The following CRTAC1 variants were observed in gnomAD, a reference collection of about 807,000 sequenced individuals.
The protein encoded by CRTAC1 is cartilage acidic protein 1.
In CRTAC1, 37 loss-of-function variants were observed where a neutral mutation model predicts 67.8. That is an observed-to-expected ratio of 0.55 (90% confidence interval 0.42 to 0.72). The LOEUF (loss-of-function observed/expected upper bound fraction) is 0.72. Among genes scored for constraint, CRTAC1 ranks in the 30% least tolerant of loss-of-function variants. The pLI is 0.00. For missense variants in CRTAC1, 780 were observed against 931.6 expected (o/e 0.84, Z 2.12); for synonymous variants, 348 against 371.0 (o/e 0.94, Z 0.71).
chr10:97,951,830 C>A (rs2051360508), intron 2 of CRTAC1, among the ~76,000 whole-genome samples: 1 of 152,198 alleles, frequency 6.6e-6, no homozygotes, highest in Non-Finnish European at 1.5e-5. Flanking sequence ...TCTTGCTACT[C>A]AAACTGTGGA....
chr10:97,971,866 A>G (rs1689686248), intron 2 of CRTAC1, among the ~76,000 whole-genome samples: 1 of 152,182 alleles, frequency 6.6e-6, no homozygotes, highest in Non-Finnish European at 1.5e-5. Flanking sequence ...CCCCAGCTAC[A>G]CTAAGGTTTC....
rs576929212 is a variant in CRTAC1, at chr10:97,950,553, C to T, written c.225-14187G>A. 6.6e-5 allele frequency among the ~76,000 whole-genome samples: 10 copies of T among 152,276 alleles called. No individual in the cohort carries two copies. The South Asian group carries it at 1.2e-3, about 19-fold the overall frequency. On this transcript the variant is annotated intron_variant, in intron 2 of 14. Coordinates refer to ENST00000370597, the MANE Select transcript of CRTAC1 (RefSeq NM_018058.7). ...AGCGTGGTCTGAGGTCTGGGTTGGACAGGCAAGGAGACACAGGTTACTAGA... is the reference window on the plus strand; with the variant it reads ...AGCGTGGTCTGAGGTCTGGGTTGGATAGGCAAGGAGACACAGGTTACTAGA...
chr10:97,944,321 A>T (rs2051228350), intron 2 of CRTAC1, among the ~76,000 whole-genome samples: 1 of 151,692 alleles, frequency 6.6e-6, no homozygotes, highest in South Asian at 2.1e-4. Flanking sequence ...AATCCCAGCT[A>T]CTTGGGAGGC....
At chr10:97,919,207 G>A (rs985300237) in intron 4 of CRTAC1, among the ~76,000 whole-genome samples, 1 of 152,106 alleles carries the variant, frequency 6.6e-6, no homozygotes, top group Non-Finnish European at 1.5e-5. Context: ...GAGTCTCCTG[G>A]GTGACACAGA....
chr10:97,973,958 T>C (rs1277870085), intron 2 of CRTAC1, among the ~76,000 whole-genome samples: 1 of 67,284 alleles, frequency 1.5e-5, no homozygotes, highest in African/African-American at 5.8e-5. Flanking sequence ...CTTTGTCTCA[T>C]AAAAGATCCC....
chr10:97,952,538 C>CAAAAAAAAA lies in CRTAC1; in HGVS notation c.225-16181_225-16173dup, dbSNP rs397844653. On this transcript the variant is annotated intron_variant, in intron 2 of 14. Coordinates refer to ENST00000370597, the MANE Select transcript of CRTAC1 (RefSeq NM_018058.7). ...GGGAGAAAAGAGTGAAATTCCATCT[C>CAAAAAAAAA]AAAAAAAAAAAAAAAAAAAAAAAAG... Among the ~76,000 whole-genome samples, 60 of 64,220 alleles carry CAAAAAAAAA rather than the reference C, an allele frequency of 9.3e-4. 2 individuals carry two copies. The highest frequency in any genetic ancestry group is 3.5e-3 in the African/African-American group (52 of 14,816). The allele number at this position is 64,220 out of a possible 152,430, so 42.1% of individuals were successfully genotyped here. A position where few individuals can be genotyped will look rare whatever the true frequency, so the allele number is the denominator to read the frequency against.
intron 3 of CRTAC1, among the ~76,000 whole-genome samples, chr10:97,931,779 C>T (rs930311858): frequency 4.6e-5 from 7 of 152,290 alleles, no homozygotes; most frequent in Admixed American, 3.3e-4. Context: ...CTCATGCGGG[C>T]GGGAGTGCTC....
intron 2 of CRTAC1, among the ~76,000 whole-genome samples, chr10:97,999,944 TGCTGAGA>T (rs1049836020): frequency 1.3e-5 from 2 of 152,134 alleles, no homozygotes; most frequent in African/African-American, 4.8e-5. Flanking sequence ...GCCTCCTCCC[TGCTGAGA>T]GCTGCCCAGA....
chr10:97,981,513 T>C (rs1042176454), intron 2 of CRTAC1, among the ~76,000 whole-genome samples: 1 of 152,256 alleles, frequency 6.6e-6, no homozygotes, highest in African/African-American at 2.4e-5. Flanking sequence ...TGATGTTCCA[T>C]AATTTACTTA....
At chr10:97,880,904 T>C (rs1333168661) in intron 13 of CRTAC1, among the ~76,000 whole-genome samples, 1 of 152,144 alleles carries the variant, frequency 6.6e-6, no homozygotes, top group Admixed American at 6.5e-5. Context: ...CGACCCCTGA[T>C]TTCTCCGTCT....
chr10:97,970,179 C>T (rs1244197012), intron 2 of CRTAC1, among the ~76,000 whole-genome samples: 1 of 152,120 alleles, frequency 6.6e-6, no homozygotes, highest in Admixed American at 6.5e-5. Flanking sequence ...TCGGCTCTAC[C>T]TTACAATATA....
intron 2 of CRTAC1, among the ~76,000 whole-genome samples, chr10:97,990,712 C>T (rs1055181479): frequency 2.0e-5 from 3 of 152,176 alleles, no homozygotes; most frequent in Admixed American, 6.5e-5. Context: ...TCTCATTCAC[C>T]ACTAACCTCC....
chr10:97,975,862 C>T lies in CRTAC1; in HGVS notation c.224+35276G>A, dbSNP rs2051792063. ...CTGGGCCCCCAATGAGGAGCTAGCT[C>T]CCGGCTGCCCCTTGAGGTCATGAAG... On this transcript the variant is annotated intron_variant, in intron 2 of 14. Transcript: ENST00000370597. This position sits in a 1 kb window ranked among gnomAD's most constrained non-coding sequence, Gnocchi z 4.8. Among the ~76,000 whole-genome samples, 1 of 152,224 alleles carries T rather than the reference C, an allele frequency of 6.6e-6. No homozygotes were observed. The highest frequency in any genetic ancestry group is 1.5e-5 in the Non-Finnish European group (1 of 68,026).
At chr10:97,973,445 C>T (rs1366753759) in intron 2 of CRTAC1, among the ~76,000 whole-genome samples, 2 of 151,640 alleles carry the variant, frequency 1.3e-5, no homozygotes, top group African/African-American at 2.4e-5. Context: ...CAGCCCATCT[C>T]AAAACTGGAC....
chr10:97,878,074 G>A (rs1241690480), intron 14 of CRTAC1, among the ~76,000 whole-genome samples: 4 of 152,226 alleles, frequency 2.6e-5, no homozygotes, highest in African/African-American at 7.2e-5. Flanking sequence ...AAGGACTAGG[G>A]AATAGTCTGA....
intron 2 of CRTAC1, among the ~76,000 whole-genome samples, chr10:97,969,933 C>CCT (rs1352186473): frequency 6.6e-6 from 1 of 152,172 alleles, no homozygotes; most frequent in African/African-American, 2.4e-5. Flanking sequence ...CCACCCCAGA[C>CCT]CTCTTCCCTG....
chr10:97,995,027 T>C (rs1842532959), intron 2 of CRTAC1, among the ~76,000 whole-genome samples: 1 of 152,204 alleles, frequency 6.6e-6, no homozygotes, highest in Admixed American at 6.5e-5. Flanking sequence ...TACTGTGTAG[T>C]TGTCCATGAC....
chr10:97,894,845 G>A (rs909220184), intron 11 of CRTAC1, among the ~76,000 whole-genome samples: 3 of 146,272 alleles, frequency 2.1e-5, no homozygotes, highest in East Asian at 2.1e-4. Context: ...CGTTGAGAAC[G>A]CATGGTTTCC....
At chr10:97,876,328 A>G (rs772824578) in intron 14 of CRTAC1, among the ~76,000 whole-genome samples, 9 of 152,222 alleles carry the variant, frequency 5.9e-5, no homozygotes, top group Non-Finnish European at 1.2e-4. Context: ...TATGAGGATT[A>G]AACGAGTTGA....
Sources: gnomAD v4.1 joint callset for allele counts (sites outside exome capture counted in the v4.1 genomes callset) on GRCh38, gnomAD v4.1.1 for gene constraint, Gnocchi (gnomAD v3.1) non-coding constraint, MANE v1.5 for transcripts, NCBI Gene and HGNC (gene_info 2026-07-23, HGNC 2026-07-21) for gene names.